TRIM28: variants seen among roughly 807,000 people sequenced by gnomAD.
TRIM28 encodes the protein transcription intermediary factor 1-beta.
TRIM28 carries 8 observed loss-of-function variants against 87.4 expected under a neutral mutation model. The ratio of observed to expected loss-of-function variants is 0.09; its 90% CI spans 0.05 to 0.17. The LOEUF is 0.17. Ranked by LOEUF, TRIM28 falls within the 10% of genes least tolerant of loss-of-function variation. The probability of loss-of-function intolerance (pLI) is 1.00; values close to 1 mark genes in which losing one functional copy is unlikely to be tolerated. For missense variants in TRIM28, 968 were observed against 1,131.8 expected (o/e 0.86, Z 2.08); for synonymous variants, 601 against 454.3 (o/e 1.32, Z -4.11).
rs3829643 is a variant in TRIM28, at chr19:58,547,077, G to T, written c.587-299G>T. 29 of 329,308 alleles carry T rather than the reference G, an allele frequency of 8.8e-5. No homozygotes were observed. The South Asian group carries it at 1.1e-3, about 12-fold the overall frequency. 20.4% of individuals were successfully genotyped at this position (329,308 alleles called of 1,614,324 possible). A position where few individuals can be genotyped will look rare whatever the true frequency, so the allele number is the denominator to read the frequency against. On this transcript the variant is annotated intron_variant, in intron 3 of 16. Coordinates refer to ENST00000253024, the MANE Select transcript of TRIM28 (RefSeq NM_005762.3). ...AGTGTGGGGAAGGGTCAGCGGGGGTGGGGGGTGGGGTGGGGTGGTCCTCTT... is the reference window on the plus strand; with the variant it reads ...AGTGTGGGGAAGGGTCAGCGGGGGTTGGGGGTGGGGTGGGGTGGTCCTCTT...
In TRIM28 at chr19:58,545,089, A is replaced by G; in HGVS notation, c.332A>G (p.Asp111Gly). ...NSSGDGGAAG[D>G]GTVVDCPVCK... ...TCGGGGGACGGCGGGGCGGCGGGCG[A>G]CGGCACCGGTAAGTACGAAGTGATC... The change falls in exon 1 of 17, where the codon GAC becomes GGC. Residue 111 changes from aspartate to glycine, a missense_variant. This residue lies in a region of TRIM28 where 208 missense variants were observed against 170.9 expected (regional missense o/e 1.22). Transcript: ENST00000253024. 1.4e-6 allele frequency: 2 copies of G among 1,427,800 alleles called. No individual in the cohort carries two copies. Among genetic ancestry groups the G allele is most frequent in the Non-Finnish European group, 1.8e-6 (2 of 1,103,894 alleles). 88.4% of individuals were successfully genotyped at this position (1,427,800 alleles called of 1,614,324 possible). A position where few individuals can be genotyped will look rare whatever the true frequency, so the allele number is the denominator to read the frequency against.
rs761187415 is a variant in TRIM28, at chr19:58,549,214, C to T, written c.1636C>T (p.Pro546Ser). The change falls in exon 12 of 17, where the codon CCC becomes TCC. Residue 546 changes from proline to serine, a missense_variant. Pro to Ser is a moderately conservative substitution (Grantham distance 74, BLOSUM62 -1). Coordinates refer to ENST00000253024, the MANE Select transcript of TRIM28 (RefSeq NM_005762.3). This position sits in a 1 kb window ranked among gnomAD's most constrained non-coding sequence, Gnocchi z 4.4. ...TAPAGTPGAP[P>S]LAGMAIVKEE... ...GCCTGCAGGAACCCCTGGTGCCCCA[C>T]CCCTGGCTGGCATGGCCATTGTCAA... 5.6e-6 allele frequency: 9 copies of T among 1,613,580 alleles called. No homozygotes were observed. Among genetic ancestry groups the T allele is most frequent in the Non-Finnish European group, 7.6e-6 (9 of 1,179,768 alleles).
Position 58,547,804 on chromosome 19 carries a change from G to T in TRIM28, c.852G>T (p.Val284=), listed in dbSNP as rs755382796. 19 of 1,614,162 alleles carry T rather than the reference G, an allele frequency of 1.2e-5. No homozygotes were observed. In the South Asian group the frequency reaches 2.1e-4, roughly 18 times the overall value. ...CTGTGTCCCCTAGAATCCGCCAGGT[G>T]TCTGACGTACAGAAGCGTGTGCAAG... is the stretch of plus-strand genomic sequence containing the variant. ...TKEVRSSIRQ[V]SDVQKRVQVD... The change falls in exon 6 of 17, where the codon GTG becomes GTT. Residue 284 remains valine, a synonymous_variant. Coordinates refer to ENST00000253024, the MANE Select transcript of TRIM28 (RefSeq NM_005762.3).
In TRIM28 at chr19:58,545,031, T is replaced by C; in HGVS notation, c.274T>C (p.Leu92=). ...PCLHSACSAC[L]GPAAPAAANS... ...TTTGCACTCGGCCTGTAGTGCCTGC[T>C]TAGGGCCCGCGGCCCCCGCCGCCGC... The change falls in exon 1 of 17, where the codon TTA becomes CTA. Residue 92 remains leucine (L), a synonymous_variant. Coordinates refer to ENST00000253024, the MANE Select transcript of TRIM28 (RefSeq NM_005762.3). The C allele has an allele frequency of 5.4e-6, 8 of 1,475,932 alleles. No individual in the cohort carries two copies. Among genetic ancestry groups the C allele is most frequent in the Non-Finnish European group, 7.1e-6 (8 of 1,127,450 alleles). 91.4% of individuals were successfully genotyped at this position (1,475,932 alleles called of 1,614,324 possible). A position where few individuals can be genotyped will look rare whatever the true frequency, so the allele number is the denominator to read the frequency against.
chr19:58,548,981 T>C lies in TRIM28; in HGVS notation c.1410-7T>C. 1 of 1,614,024 alleles carries C rather than the reference T, an allele frequency of 6.2e-7. No homozygotes were observed. The highest frequency in any genetic ancestry group is 8.5e-7 in the Non-Finnish European group (1 of 1,179,986). On this transcript the variant is annotated splice_region_variant and splice_polypyrimidine_tract_variant and intron_variant, in intron 11 of 16. Coordinates refer to ENST00000253024, the MANE Select transcript of TRIM28 (RefSeq NM_005762.3). ...GGTGTACTCATGCCAGGTTGCTGCA[T>C]CTACAGGTCCCGCTCAGGTGAGGGC...
intron 3 of TRIM28, 48 bp downstream of exon 3, chr19:58,545,944 C>T (rs779352149): frequency 1.4e-5 from 21 of 1,554,406 alleles, no homozygotes; most frequent in Non-Finnish European, 1.7e-5. Flanking sequence ...CCATGTGTGC[C>T]CTCAGTTGCT....
At position 58,550,489 on chromosome 19, in the gene TRIM28, T is replaced by A; in HGVS notation, c.2444T>A (p.Met815Lys). Residue 815 changes from methionine (M) to lysine (K), a missense_variant, in exon 17 of 17, where the codon ATG (methionine) becomes AAG (lysine). By Grantham distance (95) the Met-to-Lys change is moderately conservative. Around this residue, in one of 11 missense-constraint regions of TRIM28, gnomAD observed 192 missense variants for 225.6 expected, o/e 0.85. Transcript: ENST00000253024. ...GCTGTGCTGGTGGAGCCCCCGCCGATGAGCCTGCCTGGTGCTGGCCTGAGT... is the reference window on the plus strand; with the variant it reads ...GCTGTGCTGGTGGAGCCCCCGCCGAAGAGCCTGCCTGGTGCTGGCCTGAGT... ...FSAVLVEPPPMSLPGAGLSSQ... is the reference protein window; with the variant it reads ...FSAVLVEPPPKSLPGAGLSSQ... 1 of 1,612,966 alleles carries A rather than the reference T, an allele frequency of 6.2e-7. No individual in the cohort carries two copies.
At position 58,548,542 on chromosome 19, in the gene TRIM28, C is replaced by G; in HGVS notation, c.1273C>G (p.Pro425Ala). The change falls in exon 9 of 17, where the codon CCT (proline) becomes GCT (alanine). Residue 425 changes from proline to alanine, a missense_variant. Physicochemically the swap from Pro to Ala is conservative, Grantham distance 27. Around this residue, in one of 11 missense-constraint regions of TRIM28, gnomAD observed 119 missense variants for 93.6 expected, o/e 1.27. Transcript: ENST00000253024. ...CTCAACAGGCCCTGCACCCATGGCC[C>G]CTCCAAGAGCCCCAGGGCCCCTGAG... ...TNSTGPAPMA[P>A]PRAPGPLSKQ... 6.2e-7 allele frequency: 1 copy of G among 1,613,958 alleles called. No individual in the cohort carries two copies. Among genetic ancestry groups the G allele is most frequent in the South Asian group, 1.1e-5 (1 of 91,076 alleles).
rs1170471987 is a variant in TRIM28, at chr19:58,544,440, C to A, written c.-318C>A. The A allele has an allele frequency of 1.3e-5, 2 of 152,092 alleles. No homozygotes were observed. The highest frequency in any genetic ancestry group is 4.8e-5 in the African/African-American group (2 of 41,376). The allele number at this position is 152,092 out of a possible 1,614,324, so 9.4% of individuals were successfully genotyped here. On this transcript the variant is annotated 5_prime_UTR_variant, in exon 1 of 17. Transcript: ENST00000253024. ...GTCGGCGCCAGTTATTTCTGTCCCG[C>A]CCCCCGGCCTCGGCTCTTTCTGCGA...
intron 6 of TRIM28, 63 bp downstream of exon 6, chr19:58,547,969 G>C (rs1339672757): frequency 6.2e-7 from 1 of 1,613,124 alleles, no homozygotes; most frequent in Non-Finnish European, 8.5e-7. Context: ...ATGCTGTCTG[G>C]GGTGAGGAGT....
rs75637171 is a variant in TRIM28, at chr19:58,546,933, T to G, written c.587-443T>G. The stretch of plus-strand genomic sequence containing the variant: ...CCTTGGATTGTAAGAGACCCTGGTG[T>G]TCTCTTGTCAGGGAAGAGGGAGGAA... On this transcript the variant is annotated intron_variant, in intron 3 of 16. Transcript: ENST00000253024. Among the ~76,000 whole-genome samples, 441 of 152,154 alleles carry G rather than the reference T, an allele frequency of 2.9e-3. 1 individual carries two copies. Among genetic ancestry groups the G allele is most frequent in the Non-Finnish European group, 4.9e-3 (333 of 67,998 alleles).
Position 58,550,429 on chromosome 19 carries a change from G to A in TRIM28, c.2384G>A (p.Arg795His), listed in dbSNP as rs553301230. The A allele has an allele frequency of 5.0e-6, 8 of 1,613,774 alleles. No individual in the cohort carries two copies. The African/African-American group carries it at 5.3e-5, about 11-fold the overall frequency. ...IIGLQRFFET[R>H]MNEAFGDTKF... ...GGCCTGCAGCGCTTCTTCGAGACGC[G>A]CATGAACGAGGCCTTCGGTGACACC... The change falls in exon 17 of 17, where the codon CGC becomes CAC. Residue 795 changes from arginine to histidine, a missense_variant. Arg to His is a conservative substitution (Grantham distance 29). Coordinates refer to ENST00000253024, the MANE Select transcript of TRIM28 (RefSeq NM_005762.3).
rs1314813089 is a variant in TRIM28 at position 58,549,674 on chromosome 19, C to T, written c.1982+24C>T. 15 of 1,604,092 alleles carry T rather than the reference C, an allele frequency of 9.4e-6. No individual in the cohort carries two copies. The highest frequency in any genetic ancestry group is 1.3e-5 in the Non-Finnish European group (15 of 1,172,778). On this transcript the variant is annotated intron_variant, in intron 13 of 16. Transcript: ENST00000253024. This position sits in a 1 kb window ranked among gnomAD's most constrained non-coding sequence, Gnocchi z 4.4. ...GGGTGAGTGTGAGGCTGGTGGGGGT[C>T]AAGTCTGGGTGTTGGGCTGTCTGGA...
intron 6 of TRIM28, 33 bp downstream of exon 6, chr19:58,547,939 G>GCC (rs1329882829): frequency 6.2e-7 from 1 of 1,613,808 alleles, no homozygotes; most frequent in South Asian, 1.1e-5. Context: ...GGGTCCCTGA[G>GCC]CCCCCTCTGC....
chr19:58,545,382 G>C (rs1196910378), intron 1 of TRIM28, 43 bp from the exon 2 acceptor site: 1 of 1,504,482 alleles, frequency 6.6e-7, no homozygotes. Flanking sequence ...CCATAACCTG[G>C]GTGGGAACTT....
chr19:58,545,992 A>T, intron 3 of TRIM28, 96 bp downstream of exon 3: 18 of 1,401,640 alleles, frequency 1.3e-5, no homozygotes, highest in Non-Finnish European at 1.1e-5. Flanking sequence ...TGGGTCCTAG[A>T]GTTCTCTAGG....
chr19:58,547,248 C>T (rs1266956108), intron 3 of TRIM28, 128 bp from the exon 4 acceptor site: 7 of 1,245,476 alleles, frequency 5.6e-6, no homozygotes, highest in East Asian at 2.6e-5. Context: ...CTGGCCACAC[C>T]CTCTACATCT....
rs926590082 is a variant in TRIM28 at position 58,544,635 on chromosome 19, C to T, written c.-123C>T. 2.9e-5 allele frequency: 8 copies of T among 271,256 alleles called. No individual in the cohort carries two copies. Among genetic ancestry groups the T allele is most frequent in the African/African-American group, 9.3e-5 (4 of 43,166 alleles). The allele number at this position is 271,256 out of a possible 1,614,324, so 16.8% of individuals were successfully genotyped here. ...GGGCAGCGGCCCAGGAGGCGCGTGG[C>T]GGCGCTCGGCCTCGCGGCGGCGGCG... On this transcript the variant is annotated 5_prime_UTR_variant, in exon 1 of 17. Coordinates refer to ENST00000253024, the MANE Select transcript of TRIM28 (RefSeq NM_005762.3).
chr19:58,545,567 G>T, intron 2 of TRIM28, 30 bp downstream of exon 2: 1 of 1,574,468 alleles, frequency 6.4e-7, no homozygotes, highest in Non-Finnish European at 8.7e-7. Flanking sequence ...CCACAAGGAG[G>T]TTTCTGGGGA....
Sources: allele counts gnomAD v4.1 joint callset (sites outside exome capture counted in the v4.1 genomes callset), GRCh38; gene constraint gnomAD v4.1.1; regional missense constraint gnomAD v4.1.1; non-coding constraint Gnocchi (gnomAD v3.1); transcripts MANE v1.5; gene names NCBI Gene and HGNC (gene_info 2026-07-23, HGNC 2026-07-21).